PTPRD: variants seen among roughly 807,000 people sequenced by gnomAD.
PTPRD encodes receptor-type tyrosine-protein phosphatase delta.
Under a neutral mutation model 214.5 loss-of-function variants are expected in PTPRD, and 34 were observed. The ratio of observed to expected loss-of-function variants is 0.16; its 90% CI spans 0.12 to 0.21. The LOEUF (loss-of-function observed/expected upper bound fraction) is 0.21. Among genes scored for constraint, PTPRD ranks in the 10% least tolerant of loss-of-function variants. The probability of loss-of-function intolerance (pLI) is 1.00; values close to 1 mark genes in which losing one functional copy is unlikely to be tolerated. For missense variants in PTPRD, 2,545 were observed against 2,398.7 expected, an observed-to-expected ratio of 1.06 and a Z score of -1.27; for synonymous variants, 1,128 against 845.7, an observed-to-expected ratio of 1.33 and a Z score of -5.79.
chr9:9,633,532 G>C (rs2095660016), intron 7 of PTPRD, among the ~76,000 whole-genome samples: 1 of 152,034 alleles, frequency 6.6e-6, no homozygotes, highest in Admixed American at 6.6e-5. Flanking sequence ...ATTATAAGCA[G>C]ATATTATTTC....
intron 21 of PTPRD, among the ~76,000 whole-genome samples, chr9:8,515,939 A>C (rs1203680711): frequency 6.6e-6 from 1 of 152,182 alleles, no homozygotes; most frequent in Non-Finnish European, 1.5e-5. Context: ...GTTCAGAGAG[A>C]GATGACATAA....
chr9:10,001,927 C>A (rs773124872), intron 4 of PTPRD, among the ~76,000 whole-genome samples: 5 of 151,882 alleles, frequency 3.3e-5, no homozygotes, highest in Non-Finnish European at 7.4e-5. Flanking sequence ...GTTTAAAACG[C>A]TTTTATACTC....
chr9:10,311,789 C>T (rs2096272949), intron 3 of PTPRD, among the ~76,000 whole-genome samples: 1 of 151,984 alleles, frequency 6.6e-6, no homozygotes, highest in African/African-American at 2.4e-5. Flanking sequence ...CTAGGTTAGC[C>T]ATAATGTGCT....
intron 3 of PTPRD, among the ~76,000 whole-genome samples, chr9:10,149,737 T>C (rs997290484): frequency 5.9e-5 from 9 of 151,916 alleles, no homozygotes; most frequent in Non-Finnish European, 8.8e-5. Context: ...TTTTTTCTTT[T>C]TTTTTTTTTC....
intron 10 of PTPRD, among the ~76,000 whole-genome samples, chr9:9,078,159 G>T (rs1277643960): frequency 6.6e-6 from 1 of 151,922 alleles, no homozygotes; most frequent in Non-Finnish European, 1.5e-5. Flanking sequence ...AAATCAAAAT[G>T]AATAAATGTT....
chr9:10,174,317 C>T (rs35968521), intron 3 of PTPRD, among the ~76,000 whole-genome samples: 51,717 of 151,816 alleles, frequency 0.34, 9,251 homozygotes, highest in African/African-American at 0.46. Flanking sequence ...TGATAGCTGA[C>T]TGTTAAAAAC....
intron 3 of PTPRD, among the ~76,000 whole-genome samples, chr9:10,186,857 A>G (rs1259193437): frequency 6.6e-6 from 1 of 152,136 alleles, no homozygotes; most frequent in Non-Finnish European, 1.5e-5. Flanking sequence ...TAGCATCCAT[A>G]TTAAATAACT....
At chr9:8,916,905 T>G (rs2098789969) in intron 11 of PTPRD, among the ~76,000 whole-genome samples, 1 of 152,140 alleles carries the variant, frequency 6.6e-6, no homozygotes, top group African/African-American at 2.4e-5. Context: ...TAAAACCTCC[T>G]GTGGTATCAA....
chr9:8,718,078 T>G (rs1310278358), intron 12 of PTPRD, among the ~76,000 whole-genome samples: 1 of 152,178 alleles, frequency 6.6e-6, no homozygotes. Context: ...AGGTGAGACC[T>G]GAAAGGCAAA....
chr9:8,834,360 G>C (rs996829326), intron 11 of PTPRD, among the ~76,000 whole-genome samples: 3 of 152,044 alleles, frequency 2.0e-5, no homozygotes, highest in Non-Finnish European at 2.9e-5. Flanking sequence ...TCACATGATA[G>C]TGTTTCTTTT....
chr9:9,141,064 A>AT (rs1051504480), intron 10 of PTPRD, among the ~76,000 whole-genome samples: 14 of 151,548 alleles, frequency 9.2e-5, no homozygotes, highest in African/African-American at 1.7e-4. Context: ...TTCCACTTAT[A>AT]TTTTTTTCTC....
At chr9:9,233,212 G>A (rs748279561) in intron 9 of PTPRD, among the ~76,000 whole-genome samples, 1 of 152,126 alleles carries the variant, frequency 6.6e-6, no homozygotes, top group Non-Finnish European at 1.5e-5. Context: ...CATGGCAGAA[G>A]GCACCTCTTC....
chr9:9,870,089 G>T (rs2065040965), intron 5 of PTPRD, among the ~76,000 whole-genome samples: 1 of 152,008 alleles, frequency 6.6e-6, no homozygotes. Flanking sequence ...TGATATCTTA[G>T]ATTTGTTTCA....
chr9:9,021,976 G>C (rs1013903614), intron 10 of PTPRD, among the ~76,000 whole-genome samples: 1 of 151,750 alleles, frequency 6.6e-6, no homozygotes, highest in South Asian at 2.1e-4. Flanking sequence ...CATGTAGCGG[G>C]GTGGGGGGCA....
At chr9:9,066,379 G>A (rs1398374418) in intron 10 of PTPRD, among the ~76,000 whole-genome samples, 1 of 151,600 alleles carries the variant, frequency 6.6e-6, no homozygotes. Flanking sequence ...CTTTTCTTGT[G>A]TTCATTTTGG....
intron 2 of PTPRD, among the ~76,000 whole-genome samples, chr9:10,474,102 A>G (rs552706351): frequency 1.3e-5 from 2 of 152,292 alleles, no homozygotes; most frequent in Admixed American, 6.5e-5. Flanking sequence ...ACCAGCTAGC[A>G]TCATCACGAC....
At chr9:8,488,707 A>G (rs747358172) in intron 27 of PTPRD, among the ~76,000 whole-genome samples, 44 of 152,366 alleles carry the variant, frequency 2.9e-4, no homozygotes, top group Non-Finnish European at 5.6e-4. Context: ...ATTGGCAGAC[A>G]TCTTTAATTC....
chr9:10,086,479 C>T (rs893719648), intron 3 of PTPRD, among the ~76,000 whole-genome samples: 2 of 151,708 alleles, frequency 1.3e-5, no homozygotes, highest in African/African-American at 4.8e-5. Flanking sequence ...AAGTGGAAAG[C>T]GAATCTATTT....
chr9:10,097,089 T>G (rs952689737), intron 3 of PTPRD, among the ~76,000 whole-genome samples: 2 of 150,800 alleles, frequency 1.3e-5, no homozygotes, highest in African/African-American at 4.9e-5. Flanking sequence ...TCTGTTCCAT[T>G]GATCTATATC....
Sources: gnomAD v4.1 joint callset for allele counts (sites outside exome capture counted in the v4.1 genomes callset) on GRCh38, gnomAD v4.1.1 for gene constraint, MANE v1.5 for transcripts, NCBI Gene and HGNC (gene_info 2026-07-23, HGNC 2026-07-21) for gene names.